PTPRD: variants seen among roughly 807,000 people sequenced by gnomAD.
PTPRD encodes the protein protein tyrosine phosphatase receptor type D, also known as receptor-type tyrosine-protein phosphatase delta.
PTPRD carries 34 observed loss-of-function variants against 214.5 expected under a neutral mutation model. That is an observed-to-expected ratio of 0.16 (90% CI 0.12 to 0.21). The LOEUF (loss-of-function observed/expected upper bound fraction) is 0.21. Ranked by LOEUF, PTPRD falls within the 10% of genes least tolerant of loss-of-function variation. The pLI is 1.00. For missense variants in PTPRD, 2,545 were observed against 2,398.7 expected, an observed-to-expected ratio of 1.06 and a Z score of -1.27; for synonymous variants, 1,128 against 845.7, an observed-to-expected ratio of 1.33 and a Z score of -5.79.
At chr9:10,201,063 C>T (rs2099418079) in intron 3 of PTPRD, among the ~76,000 whole-genome samples, 1 of 151,898 alleles carries the variant, frequency 6.6e-6, no homozygotes, top group Non-Finnish European at 1.5e-5. Flanking sequence ...ATGATCATAG[C>T]CTTGGAGTTA....
rs1593094462 is a variant in PTPRD at position 9,615,173 on chromosome 9, C to T, written c.-286-40392G>A. 6.6e-5 allele frequency among the ~76,000 whole-genome samples: 10 copies of T among 152,296 alleles called. No individual in the cohort carries two copies. The East Asian group carries it at 1.2e-3, about 18-fold the overall frequency. ...CCACAGACACCTTGGACTCCCTGGG[C>T]AAGCCCTGCCTAGCTGGCCTGCACT... On this transcript the variant is annotated intron_variant, in intron 7 of 45. Transcript: ENST00000381196.
At chr9:8,557,763 A>AT (rs1564327846) in intron 14 of PTPRD, among the ~76,000 whole-genome samples, 1 of 134,062 alleles carries the variant, frequency 7.5e-6, no homozygotes, top group Non-Finnish European at 1.5e-5. Context: ...AAAAAAAAAA[A>AT]AAAAGAAAAA....
At chr9:9,598,617 T>G (rs974777885) in intron 7 of PTPRD, among the ~76,000 whole-genome samples, 8 of 152,104 alleles carry the variant, frequency 5.3e-5, no homozygotes, top group Admixed American at 5.2e-4. Flanking sequence ...CTTTTAAAAC[T>G]TCTATTTAAA....
At chr9:10,361,423 G>C (rs1434492267) in intron 2 of PTPRD, among the ~76,000 whole-genome samples, 1 of 152,136 alleles carries the variant, frequency 6.6e-6, no homozygotes, top group Non-Finnish European at 1.5e-5. Context: ...CACCGATGTA[G>C]ACAAGGGTAC....
chr9:9,417,901 A>C lies in PTPRD; in HGVS notation c.-236-20419T>G, dbSNP rs534071541. 2.0e-4 allele frequency among the ~76,000 whole-genome samples: 31 copies of C among 152,182 alleles called. No homozygotes were observed. In the South Asian group the frequency reaches 6.0e-3, roughly 30 times the overall value. ...ATTTCATTTCATACTGGAAAAGGCA[A>C]ATAAATCCTTCATTTCTCTTTTCTG... On this transcript the variant is annotated intron_variant, in intron 8 of 45. Coordinates refer to ENST00000381196, the MANE Select transcript of PTPRD (RefSeq NM_002839.4).
intron 4 of PTPRD, among the ~76,000 whole-genome samples, chr9:10,013,347 G>A (rs968240267): frequency 6.6e-6 from 1 of 151,882 alleles, no homozygotes; most frequent in Non-Finnish European, 1.5e-5. Flanking sequence ...GTATTCAAAT[G>A]TAAATTTAAG....
chr9:10,200,670 T>C (rs1225490425), intron 3 of PTPRD, among the ~76,000 whole-genome samples: 4 of 152,184 alleles, frequency 2.6e-5, no homozygotes, highest in African/African-American at 7.2e-5. Flanking sequence ...AGGGGAGTTA[T>C]TGCAGAAAGG....
At chr9:8,831,002 T>C (rs1027869187) in intron 11 of PTPRD, among the ~76,000 whole-genome samples, 1 of 152,196 alleles carries the variant, frequency 6.6e-6, no homozygotes, top group African/African-American at 2.4e-5. Flanking sequence ...GACTAGTTTT[T>C]CTGAGGAATT....
intron 7 of PTPRD, among the ~76,000 whole-genome samples, chr9:9,724,188 T>A (rs892496236): frequency 2.0e-5 from 3 of 152,164 alleles, no homozygotes; most frequent in Admixed American, 2.0e-4. Context: ...AATTGTACAT[T>A]TTTGGGGATC....
chr9:8,766,249 T>G (rs1212390209), intron 11 of PTPRD, among the ~76,000 whole-genome samples: 1 of 151,606 alleles, frequency 6.6e-6, no homozygotes. Context: ...GTGTGCATAC[T>G]CCCCAAGTAT....
At chr9:10,286,960 T>C (rs2095375875) in intron 3 of PTPRD, among the ~76,000 whole-genome samples, 1 of 152,014 alleles carries the variant, frequency 6.6e-6, no homozygotes, top group South Asian at 2.1e-4. Context: ...TTAAGCATGG[T>C]AGAGAAACTA....
intron 14 of PTPRD, among the ~76,000 whole-genome samples, chr9:8,587,498 G>A (rs890455651): frequency 1.3e-5 from 2 of 152,172 alleles, no homozygotes; most frequent in South Asian, 2.1e-4. Context: ...TGTAGAATTC[G>A]AAAATATTTA....
intron 14 of PTPRD, among the ~76,000 whole-genome samples, chr9:8,611,740 AAAG>A (rs375521781): frequency 2.1e-3 from 306 of 145,906 alleles, no homozygotes; most frequent in African/African-American, 8.0e-3. Context: ...AGAAAAAAGA[AAAG>A]AAAAGAAAAG....
At chr9:9,427,412 G>A (rs143602961) in intron 8 of PTPRD, among the ~76,000 whole-genome samples, 4,843 of 152,232 alleles carry the variant, frequency 0.032, 178 homozygotes, top group African/African-American at 0.087. Context: ...ATGGGACTAT[G>A]TGAAAAGACC....
intron 3 of PTPRD, among the ~76,000 whole-genome samples, chr9:10,234,130 T>C (rs1432061045): frequency 6.6e-6 from 1 of 151,768 alleles, no homozygotes. Flanking sequence ...GGCATACACC[T>C]GTAATCACAG....
chr9:10,088,927 T>C (rs538442837), intron 3 of PTPRD, among the ~76,000 whole-genome samples: 15 of 151,776 alleles, frequency 9.9e-5, no homozygotes, highest in African/African-American at 3.6e-4. Context: ...CTGAATATAC[T>C]ACTAACAATA....
intron 3 of PTPRD, among the ~76,000 whole-genome samples, chr9:10,286,323 C>T (rs575291939): frequency 2.6e-4 from 39 of 152,078 alleles, no homozygotes; most frequent in African/African-American, 8.4e-4. Flanking sequence ...GTGCCTGCAG[C>T]GACAGTTACT....
intron 3 of PTPRD, among the ~76,000 whole-genome samples, chr9:10,106,277 T>G (rs1463487497): frequency 6.6e-6 from 1 of 151,918 alleles, no homozygotes; most frequent in African/African-American, 2.4e-5. Context: ...GACATTTTGA[T>G]GTCAAAGATA....
intron 11 of PTPRD, among the ~76,000 whole-genome samples, chr9:8,841,835 AC>A (rs1425228848): frequency 6.6e-6 from 1 of 151,990 alleles, no homozygotes; most frequent in African/African-American, 2.4e-5. Flanking sequence ...AACATGGTGA[AC>A]CCCATCTCTA....
Sources: gnomAD v4.1 joint callset for allele counts (sites outside exome capture counted in the v4.1 genomes callset) on GRCh38, gnomAD v4.1.1 for gene constraint, MANE v1.5 for transcripts, NCBI Gene and HGNC (gene_info 2026-07-23, HGNC 2026-07-21) for gene names.